Variants in NFATC1 observed in about 807,000 individuals in gnomAD.
NFATC1 encodes nuclear factor of activated T cells 1.
Under a neutral mutation model 76.0 loss-of-function variants are expected in NFATC1, and 22 were observed. The ratio of observed to expected loss-of-function variants is 0.29; its 90% CI spans 0.21 to 0.41. The LOEUF is 0.41. NFATC1 is among the 10% of genes least tolerant of loss of function. NFATC1 has a pLI of 1.00. For missense variants in NFATC1, 1,357 were observed against 1,337.7 expected (o/e 1.01, Z -0.23); for synonymous variants, 704 against 613.1 (o/e 1.15, Z -2.19).
chr18:79,425,091 GTCTCTCCA>G (rs2086263150), intron 2 of NFATC1, among the ~76,000 whole-genome samples: 2 of 130,686 alleles, frequency 1.5e-5, no homozygotes, highest in African/African-American at 6.0e-5. Flanking sequence ...CTCCATCTCT[GTCTCTCCA>G]TCTCTCTGTC....
intron 4 of NFATC1, among the ~76,000 whole-genome samples, chr18:79,449,850 C>T (rs2087385457): frequency 1.3e-5 from 2 of 152,044 alleles, no homozygotes; most frequent in South Asian, 2.1e-4. Flanking sequence ...TAGGAGATGG[C>T]GGCGGGGGGC....
intron 2 of NFATC1, among the ~76,000 whole-genome samples, chr18:79,425,156 CGTCTCTGTCTCTCCATCTGTCTCTCT>C (rs1568944520): frequency 4.8e-5 from 4 of 82,564 alleles, no homozygotes; most frequent in African/African-American, 2.7e-4. Flanking sequence ...TGTCTCTCTC[CGTCTCTGTCTCTCCATCTGTCTCTCT>C]GTCTCTGTCT....
intron 9 of NFATC1, among the ~76,000 whole-genome samples, chr18:79,495,040 C>T (rs897490934): frequency 1.3e-5 from 2 of 152,272 alleles, no homozygotes; most frequent in Admixed American, 6.5e-5. Context: ...AACCCTGGGG[C>T]AGCTGCAGTG....
chr18:79,508,317 G>A (rs1234009407), intron 9 of NFATC1, among the ~76,000 whole-genome samples: 1 of 152,186 alleles, frequency 6.6e-6, no homozygotes, highest in Admixed American at 6.5e-5. Flanking sequence ...GTGCCGGGCA[G>A]GAGGAAGCGT....
At chr18:79,489,902 C>T (rs415428) in intron 9 of NFATC1, among the ~76,000 whole-genome samples, 96,452 of 152,132 alleles carry the variant, frequency 0.63, 30,642 homozygotes, top group Middle Eastern at 0.69. Flanking sequence ...GGTGCCGCTT[C>T]GGGGGTCGGG....
chr18:79,455,369 G>A (rs2087651499), intron 6 of NFATC1, among the ~76,000 whole-genome samples: 1 of 148,050 alleles, frequency 6.8e-6, no homozygotes, highest in Non-Finnish European at 1.5e-5. Flanking sequence ...GGCCAGCTGG[G>A]GCCTGGACGG....
At chr18:79,502,662 G>T (rs2090038601) in intron 9 of NFATC1, among the ~76,000 whole-genome samples, 1 of 152,260 alleles carries the variant, frequency 6.6e-6, no homozygotes, top group Non-Finnish European at 1.5e-5. Context: ...ACTGGGCAAA[G>T]GATTTGAATA....
At chr18:79,454,786 C>A (rs2087615082) in intron 6 of NFATC1, among the ~76,000 whole-genome samples, 1 of 152,158 alleles carries the variant, frequency 6.6e-6, no homozygotes, top group Non-Finnish European at 1.5e-5. Flanking sequence ...GGTTTAGAAG[C>A]CCCTGGTAGC....
Position 79,413,945 on chromosome 18 carries a change from G to A in NFATC1, c.1226+2444G>A, listed in dbSNP as rs532522229. Among the ~76,000 whole-genome samples the A allele has an allele frequency of 5.3e-5, 8 of 152,274 alleles. No homozygotes were observed. The South Asian group carries it at 1.2e-3, about 24-fold the overall frequency. On this transcript the variant is annotated intron_variant, in intron 2 of 9. Transcript: ENST00000427363. ...GAGCGCCCAGTTAGGTGTGATGCCT[G>A]TAACATTTCTGAGTGTTCACACAAA...
chr18:79,467,890 C>G, intron 8 of NFATC1: 1 of 1,178,076 alleles, frequency 8.5e-7, no homozygotes, highest in Non-Finnish European at 1.1e-6. Flanking sequence ...CTCCAAAAAA[C>G]TGAGGGGGTC....
At chr18:79,460,025 T>G (rs548070846) in intron 6 of NFATC1, among the ~76,000 whole-genome samples, 2 of 152,312 alleles carry the variant, frequency 1.3e-5, no homozygotes, top group East Asian at 3.9e-4. Flanking sequence ...TTCCTGTAAT[T>G]TTTTTCCTAG....
chr18:79,496,531 A>G (rs542577003), intron 9 of NFATC1: 1 of 152,418 alleles, frequency 6.6e-6, no homozygotes, highest in Admixed American at 6.5e-5. Flanking sequence ...GAGCTCGAGC[A>G]CGGGCACGTT....
chr18:79,425,134 T>G (rs1408690438), intron 2 of NFATC1, among the ~76,000 whole-genome samples: 1 of 152,038 alleles, frequency 6.6e-6, no homozygotes, highest in African/African-American at 2.4e-5. Flanking sequence ...TCTCTCTGTC[T>G]CTGCCTCTCT....
intron 3 of NFATC1, among the ~76,000 whole-genome samples, chr18:79,435,327 G>GT (rs1255287754): frequency 3.9e-5 from 2 of 50,658 alleles, no homozygotes; most frequent in Admixed American, 5.6e-4. Context: ...TGAGGTTTCT[G>GT]TTTGTTTTGT....
rs142453983 is a variant in NFATC1 at position 79,482,586 on chromosome 18, C to T, written c.2093-3662C>T. 8.1e-3 allele frequency among the ~76,000 whole-genome samples: 1,182 copies of T among 145,780 alleles called. 19 individuals carry two copies. Among genetic ancestry groups the T allele is most frequent in the African/African-American group, 0.026 (1,000 of 38,688 alleles). ...GGTGTAATTCCAGCGTGACCTGGTC[C>T]TGGGGTGTCATTCCAGCATGACCTG... On this transcript the variant is annotated intron_variant, in intron 8 of 9. Coordinates refer to ENST00000427363, the MANE Select transcript of NFATC1 (RefSeq NM_001278669.2).
At chr18:79,434,709 G>A (rs904190806) in intron 3 of NFATC1, among the ~76,000 whole-genome samples, 3 of 152,274 alleles carry the variant, frequency 2.0e-5, no homozygotes, top group African/African-American at 7.2e-5. Context: ...TCAGCAGAGT[G>A]CCTCGTATTT....
intron 9 of NFATC1, among the ~76,000 whole-genome samples, chr18:79,495,332 A>G (rs900097659): frequency 7.2e-5 from 11 of 152,234 alleles, no homozygotes; most frequent in African/African-American, 1.4e-4. Context: ...GAAGATATTC[A>G]CTGTGGACAC....
At chr18:79,475,208 TCGACG>T in intron 8 of NFATC1, among the ~76,000 whole-genome samples, 1 of 148,634 alleles carries the variant, frequency 6.7e-6, no homozygotes, top group African/African-American at 2.5e-5. Flanking sequence ...ACGCTCACCG[TCGACG>T]TTGTAAACCT....
chr18:79,474,002 ACACT>A lies in NFATC1; in HGVS notation c.2092+6425_2092+6428del, dbSNP rs552856950. ...TCGACGTTGCGAGGGAAGCGTTTTC[ACACT>A]CACTGTCGACGTAAACCTGAGGGAA... On this transcript the variant is annotated intron_variant, in intron 8 of 9. Coordinates refer to ENST00000427363, the MANE Select transcript of NFATC1 (RefSeq NM_001278669.2). 6.2e-4 allele frequency among the ~76,000 whole-genome samples: 76 copies of A among 123,346 alleles called. 2 individuals are homozygous for A. In the East Asian group the frequency reaches 0.017, roughly 27 times the overall value. 80.9% of individuals were successfully genotyped at this position (123,346 alleles called of 152,430 possible). A position where few individuals can be genotyped will look rare whatever the true frequency, so the allele number is the denominator to read the frequency against.
Sources: allele counts gnomAD v4.1 joint callset (sites outside exome capture counted in the v4.1 genomes callset), GRCh38; gene constraint gnomAD v4.1.1; transcripts MANE v1.5; gene names NCBI Gene and HGNC (gene_info 2026-07-23, HGNC 2026-07-21).